The following STOX2 variants were observed in gnomAD, a reference collection of about 807,000 sequenced individuals.
STOX2 encodes the protein storkhead box 2, also known as storkhead-box protein 2.
In STOX2, 28 loss-of-function variants were observed where a neutral mutation model predicts 60.9. The ratio of observed to expected loss-of-function variants is 0.46; its 90% CI spans 0.34 to 0.63. STOX2 has a LOEUF of 0.63. Among genes scored for constraint, STOX2 ranks in the 30% least tolerant of loss-of-function variants. STOX2 has a pLI of 0.01. For synonymous variants in STOX2, 472 were observed against 463.9 expected, an observed-to-expected ratio of 1.02 and a Z score of -0.22; for missense variants, 1,024 against 1,187.7, an observed-to-expected ratio of 0.86 and a Z score of 2.03.
chr4:183,906,970 C>A lies in STOX2; in HGVS notation c.166+14C>A. The A allele has an allele frequency of 6.6e-7, 1 of 1,513,606 alleles. No homozygotes were observed. The allele number at this position is 1,513,606 out of a possible 1,614,324, so 93.8% of individuals were successfully genotyped here. A position where few individuals can be genotyped will look rare whatever the true frequency, so the allele number is the denominator to read the frequency against. Reference sequence around the variant, plus strand: ...ACATGACATCAGGTTGGTTGGTGACCGCGTTTCTGCCCCCGGGCCGGGGCC... The same window carrying A: ...ACATGACATCAGGTTGGTTGGTGACAGCGTTTCTGCCCCCGGGCCGGGGCC... On this transcript the variant is annotated intron_variant, in intron 1 of 3. Transcript: ENST00000308497.
intron 1 of STOX2, among the ~76,000 whole-genome samples, chr4:183,949,144 T>C (rs938528180): frequency 6.6e-6 from 1 of 152,104 alleles, no homozygotes; most frequent in Admixed American, 6.5e-5. Context: ...GGGAAAGCAG[T>C]GTTCACAACC....
intron 1 of STOX2, among the ~76,000 whole-genome samples, chr4:183,923,332 G>A (rs1579421664): frequency 6.6e-6 from 1 of 152,282 alleles, no homozygotes; most frequent in East Asian, 1.9e-4. Context: ...CCTAATGGAT[G>A]TGTGTTCTTA....
At chr4:184,002,407 G>T (rs970464110) in intron 2 of STOX2, among the ~76,000 whole-genome samples, 1 of 152,174 alleles carries the variant, frequency 6.6e-6, no homozygotes, top group Admixed American at 6.5e-5. Context: ...GCTGTTAATT[G>T]TATCAGTTAG....
chr4:183,896,641 C>T (rs184341776), intron 1 of STOX2, among the ~76,000 whole-genome samples: 9 of 152,304 alleles, frequency 5.9e-5, no homozygotes, highest in Admixed American at 2.0e-4. Flanking sequence ...CACCCAGTCC[C>T]GTCTTTTCCT....
rs1438975299 is a variant in STOX2, at chr4:184,009,310, T to C, written c.472T>C (p.Tyr158His). ...PSLIRTNSKW[Y>H]HLDERIPDRS... is the part of the protein sequence containing the mutation. The stretch of plus-strand genomic sequence containing the variant: ...CCTCATAAGAACTAACAGTAAATGG[T>C]ACCATTTGGACGAGAGGATACCTGA... Residue 158 changes from tyrosine to histidine, a missense_variant, in exon 3 of 4, where the codon TAC becomes CAC. Physicochemically the swap from Tyr to His is moderately conservative, Grantham distance 83. Coordinates refer to ENST00000308497, the MANE Select transcript of STOX2 (RefSeq NM_020225.3). This position sits in a 1 kb window ranked among gnomAD's most constrained non-coding sequence, Gnocchi z 4.0. The C allele has an allele frequency of 6.2e-7, 1 of 1,613,926 alleles. No individual in the cohort carries two copies.
intron 1 of STOX2, among the ~76,000 whole-genome samples, chr4:183,819,625 C>T (rs939761570): frequency 6.7e-6 from 1 of 148,208 alleles, no homozygotes; most frequent in Admixed American, 6.7e-5. Flanking sequence ...GAGGGAGAGG[C>T]GAAATATTTT....
At chr4:183,975,818 T>C (rs1732425381) in intron 1 of STOX2, among the ~76,000 whole-genome samples, 1 of 152,234 alleles carries the variant, frequency 6.6e-6, no homozygotes, top group African/African-American at 2.4e-5. Flanking sequence ...CCAACTCGTT[T>C]TGTGAAGCCA....
chr4:184,018,464 G>GTCC lies in STOX2; in HGVS notation c.*1180_*1181insTCC, dbSNP rs1553989371. 1 of 151,760 alleles carries GTCC rather than the reference G, an allele frequency of 6.6e-6. No individual in the cohort carries two copies. Among genetic ancestry groups the GTCC allele is most frequent in the Non-Finnish European group, 1.5e-5 (1 of 67,868 alleles). 9.4% of individuals were successfully genotyped at this position (151,760 alleles called of 1,614,324 possible). A position where few individuals can be genotyped will look rare whatever the true frequency, so the allele number is the denominator to read the frequency against. ...AATTTTTGATTAGAAATATACATGT[G>GTCC]CCCATGTAATAAACAACAGAATGTG... On this transcript the variant is annotated 3_prime_UTR_variant, in exon 4 of 4. Coordinates refer to ENST00000308497, the MANE Select transcript of STOX2 (RefSeq NM_020225.3).
chr4:183,957,148 T>TATA (rs57935070), intron 1 of STOX2, among the ~76,000 whole-genome samples: 12,113 of 142,618 alleles, frequency 0.085, 699 homozygotes, highest in African/African-American at 0.16. Flanking sequence ...AAACTTAAAG[T>TATA]ATAATAATAA....
intron 1 of STOX2, among the ~76,000 whole-genome samples, chr4:183,874,570 CTCTT>C (rs1471517567): frequency 6.6e-6 from 1 of 152,066 alleles, no homozygotes; most frequent in Non-Finnish European, 1.5e-5. Flanking sequence ...TTATACAGAA[CTCTT>C]TCTAATAGCA....
In STOX2 at chr4:183,965,463, T is replaced by C. The variant is rs537426647; in HGVS notation, c.167-35862T>C. On this transcript the variant is annotated intron_variant, in intron 1 of 3. Transcript: ENST00000308497. ...AAATTCTGTTCACTTTAATGGGATATCTTTCCTGAAGGGATAAGATAAAAT... is the reference window on the plus strand; with the variant it reads ...AAATTCTGTTCACTTTAATGGGATACCTTTCCTGAAGGGATAAGATAAAAT... 2.6e-5 allele frequency among the ~76,000 whole-genome samples: 4 copies of C among 152,354 alleles called. No individual in the cohort carries two copies. In the East Asian group the frequency reaches 5.8e-4, roughly 22 times the overall value.
rs1001135219 is a variant in STOX2, at chr4:184,019,524, G to A, written c.*2240G>A. On this transcript the variant is annotated 3_prime_UTR_variant, in exon 4 of 4. Coordinates refer to ENST00000308497, the MANE Select transcript of STOX2 (RefSeq NM_020225.3). Reference sequence around the variant, plus strand: ...TCTGAAAGTAGCCATTGAAATAATCGAATACTGTGTGAACAGGAAAGGAAA... The same window carrying A: ...TCTGAAAGTAGCCATTGAAATAATCAAATACTGTGTGAACAGGAAAGGAAA... 3 of 152,108 alleles carry A rather than the reference G, an allele frequency of 2.0e-5. No homozygotes were observed. Among genetic ancestry groups the A allele is most frequent in the African/African-American group, 4.8e-5 (2 of 41,418 alleles). 9.4% of individuals were successfully genotyped at this position (152,108 alleles called of 1,614,324 possible).
chr4:183,917,084 T>C (rs1482086877), intron 1 of STOX2, among the ~76,000 whole-genome samples: 33 of 152,368 alleles, frequency 2.2e-4, no homozygotes, highest in Admixed American at 2.1e-3. Context: ...ACTCCCAGTG[T>C]CTAGCGAGTG....
chr4:183,833,976 C>T (rs1320632194), intron 1 of STOX2, among the ~76,000 whole-genome samples: 13 of 117,178 alleles, frequency 1.1e-4, no homozygotes, highest in Middle Eastern at 4.8e-3. Flanking sequence ...AGTGAGACTC[C>T]GTCTCAAAAA....
chr4:183,987,502 A>G (rs1009882593), intron 1 of STOX2, among the ~76,000 whole-genome samples: 27 of 151,728 alleles, frequency 1.8e-4, no homozygotes, highest in African/African-American at 6.5e-4. Flanking sequence ...AGCCGTAGAC[A>G]TTTTTAAGAA....
intron 1 of STOX2, chr4:183,853,291 T>C (rs1434191106): frequency 6.6e-6 from 1 of 152,232 alleles, no homozygotes; most frequent in Non-Finnish European, 1.5e-5. Flanking sequence ...TTGGAGACTG[T>C]GCTGAGCGGA....
At chr4:183,943,136 T>C (rs1742795326) in intron 1 of STOX2, among the ~76,000 whole-genome samples, 1 of 152,234 alleles carries the variant, frequency 6.6e-6, no homozygotes, top group Non-Finnish European at 1.5e-5. Flanking sequence ...TAATTAAATA[T>C]ATTTAGTCAT....
intron 1 of STOX2, among the ~76,000 whole-genome samples, chr4:183,869,563 A>G (rs1284954941): frequency 6.6e-6 from 1 of 152,246 alleles, no homozygotes; most frequent in Non-Finnish European, 1.5e-5. Flanking sequence ...GATTAAATCA[A>G]TAAAGGTGAA....
intron 1 of STOX2, among the ~76,000 whole-genome samples, chr4:183,835,384 C>T (rs950008466): frequency 8.6e-5 from 13 of 151,958 alleles, no homozygotes; most frequent in African/African-American, 2.4e-4. Context: ...CCACCACACC[C>T]GGCTAATTTT....
Sources: allele counts gnomAD v4.1 joint callset (sites outside exome capture counted in the v4.1 genomes callset), GRCh38; gene constraint gnomAD v4.1.1; non-coding constraint Gnocchi (gnomAD v3.1); transcripts MANE v1.5; gene names NCBI Gene and HGNC (gene_info 2026-07-23, HGNC 2026-07-21).